The following PDE4D variants were observed in gnomAD, a reference collection of about 807,000 sequenced individuals.
PDE4D encodes the protein 3',5'-cyclic-AMP phosphodiesterase 4D.
PDE4D carries 24 observed loss-of-function variants against 87.4 expected under a neutral mutation model. The observed-to-expected ratio is 0.27, with a 90% CI of 0.20 to 0.39. PDE4D has a LOEUF of 0.39. PDE4D is among the 10% of genes least tolerant of loss of function. The pLI, the probability that PDE4D is intolerant of heterozygous loss-of-function variation, is 1.00. For missense variants in PDE4D, 714 were observed against 1,041.0 expected, an observed-to-expected ratio of 0.69 and a Z score of 4.32; for synonymous variants, 384 against 383.2, an observed-to-expected ratio of 1.00 and a Z score of -0.02.
At chr5:59,987,166 T>C (rs1401622936) in intron 3 of PDE4D, 1 of 152,142 alleles carries the variant, frequency 6.6e-6, no homozygotes, top group Non-Finnish European at 1.5e-5. Flanking sequence ...ACACCTGATA[T>C]CTGTGAATCT....
At position 59,658,949 on chromosome 5, in the gene PDE4D, G is replaced by T. The variant is rs184048546; in HGVS notation, c.455+234219C>A. 1.9e-4 allele frequency among the ~76,000 whole-genome samples: 29 copies of T among 152,222 alleles called. No homozygotes were observed. The East Asian group carries it at 5.6e-3, about 29-fold the overall frequency. ...TCCCAGGGGTTTGAGGGTACGGTGA[G>T]CTATGACTGCACCACTGCACTCCAG... is the stretch of plus-strand genomic sequence containing the variant. On this transcript the variant is annotated intron_variant, in intron 1 of 14. Transcript: ENST00000340635.
intron 1 of PDE4D, among the ~76,000 whole-genome samples, chr5:60,290,914 A>C (rs866337296): frequency 1.3e-5 from 2 of 152,308 alleles, no homozygotes; most frequent in Middle Eastern, 6.8e-3. Flanking sequence ...GTAACCCCCC[A>C]AAAAAGGGTC....
chr5:60,499,940 T>G (rs1749991315), intron 1 of PDE4D, among the ~76,000 whole-genome samples: 1 of 152,206 alleles, frequency 6.6e-6, no homozygotes, highest in Admixed American at 6.5e-5. Flanking sequence ...TTGGTTTTGT[T>G]TCTTGAAACA....
At chr5:59,693,752 T>C (rs1338341157) in intron 1 of PDE4D, among the ~76,000 whole-genome samples, 1 of 152,202 alleles carries the variant, frequency 6.6e-6, no homozygotes, top group Non-Finnish European at 1.5e-5. Flanking sequence ...TATTTTTTAA[T>C]CTACTTCCTT....
At chr5:60,269,482 G>A (rs1373695447) in intron 1 of PDE4D, among the ~76,000 whole-genome samples, 1 of 152,136 alleles carries the variant, frequency 6.6e-6, no homozygotes, top group African/African-American at 2.4e-5. Context: ...CCTGTGGTTG[G>A]ACACCTGTGT....
intron 1 of PDE4D, among the ~76,000 whole-genome samples, chr5:60,399,568 A>T (rs764654155): frequency 2.6e-5 from 4 of 152,248 alleles, no homozygotes; most frequent in Non-Finnish European, 4.4e-5. Context: ...GGTCATAGAC[A>T]ATGATATACA....
intron 1 of PDE4D, chr5:59,768,570 G>A (rs1243642032): frequency 1.3e-6 from 2 of 1,583,324 alleles, no homozygotes; most frequent in Non-Finnish European, 1.7e-6. Flanking sequence ...CCTCGCTCAC[G>A]GTCCCGGAAA....
intron 1 of PDE4D, among the ~76,000 whole-genome samples, chr5:60,493,180 T>C (rs910619804): frequency 6.6e-6 from 1 of 152,122 alleles, no homozygotes; most frequent in African/African-American, 2.4e-5. Flanking sequence ...GGGGTAACAG[T>C]AGTAGACATG....
At chr5:60,501,062 C>T (rs1170375998) in intron 1 of PDE4D, among the ~76,000 whole-genome samples, 2 of 151,694 alleles carry the variant, frequency 1.3e-5, no homozygotes, top group African/African-American at 4.8e-5. Context: ...AGGTTAGTTA[C>T]ATATGTATAC....
At chr5:59,575,229 C>A (rs531270988) in intron 1 of PDE4D, among the ~76,000 whole-genome samples, 9 of 152,178 alleles carry the variant, frequency 5.9e-5, no homozygotes, top group African/African-American at 1.9e-4. Context: ...CGAAGAGCCA[C>A]ACGTAGAGGC....
chr5:59,193,019 G>A (rs1358595942), intron 3 of PDE4D, among the ~76,000 whole-genome samples: 1 of 152,134 alleles, frequency 6.6e-6, no homozygotes, highest in African/African-American at 2.4e-5. Flanking sequence ...ATGTCATGTG[G>A]TTAAAGTATT....
chr5:60,000,871 T>C (rs890909941), intron 2 of PDE4D, among the ~76,000 whole-genome samples: 1 of 152,180 alleles, frequency 6.6e-6, no homozygotes, highest in Non-Finnish European at 1.5e-5. Flanking sequence ...CTGAGAGCAG[T>C]CCTGTCTCCA....
intron 1 of PDE4D, among the ~76,000 whole-genome samples, chr5:59,256,440 A>T (rs147556124): frequency 2.8e-3 from 429 of 152,168 alleles, no homozygotes; most frequent in Non-Finnish European, 5.1e-3. Flanking sequence ...TTCAGCCTCA[A>T]AGTGGGAGTC....
At chr5:60,254,462 A>G (rs1748827408) in intron 1 of PDE4D, among the ~76,000 whole-genome samples, 1 of 152,064 alleles carries the variant, frequency 6.6e-6, no homozygotes, top group Non-Finnish European at 1.5e-5. Flanking sequence ...TGGTTCCAAG[A>G]GCATATCTTT....
chr5:58,991,958 C>T lies in PDE4D; in HGVS notation c.1062G>A (p.Lys354=). 6.3e-7 allele frequency: 1 copy of T among 1,599,090 alleles called. No individual in the cohort carries two copies. The part of the protein sequence containing the change: ...VEIPSPTQKE[K]EKKKRPMSQI... ...GAGACATTGGTCTTTTCTTTTTCTCCTTTTCCTTCTGAGTTGGAGAAGGAA... is the reference window on the plus strand; with the variant it reads ...GAGACATTGGTCTTTTCTTTTTCTCTTTTTCCTTCTGAGTTGGAGAAGGAA... The change falls in exon 8 of 15, where the codon AAG becomes AAA. Residue 354 remains lysine (K), a synonymous_variant. Coordinates refer to ENST00000340635, the MANE Select transcript of PDE4D (RefSeq NM_001104631.2).
chr5:59,968,276 G>A (rs1026012652), intron 3 of PDE4D, among the ~76,000 whole-genome samples: 7 of 151,852 alleles, frequency 4.6e-5, no homozygotes, highest in Non-Finnish European at 8.8e-5. Flanking sequence ...GAGCCACTGC[G>A]CCCGGCCCAC....
At chr5:59,445,940 A>G (rs1798278560) in intron 1 of PDE4D, among the ~76,000 whole-genome samples, 1 of 152,204 alleles carries the variant, frequency 6.6e-6, no homozygotes, top group South Asian at 2.1e-4. Flanking sequence ...TACATACCTG[A>G]GTGTTGAGTA....
chr5:59,761,683 G>T (rs913479664), intron 1 of PDE4D, among the ~76,000 whole-genome samples: 1 of 151,908 alleles, frequency 6.6e-6, no homozygotes, highest in African/African-American at 2.4e-5. Context: ...CTCTTCTGGG[G>T]CAATAACATG....
intron 1 of PDE4D, among the ~76,000 whole-genome samples, chr5:59,233,615 T>C (rs985204679): frequency 6.6e-6 from 1 of 152,074 alleles, no homozygotes; most frequent in African/African-American, 2.4e-5. Context: ...CAAATGTTCC[T>C]CTCTAGAAGA....
Sources: allele counts gnomAD v4.1 joint callset (sites outside exome capture counted in the v4.1 genomes callset), GRCh38; gene constraint gnomAD v4.1.1; transcripts MANE v1.5; gene names NCBI Gene and HGNC (gene_info 2026-07-23, HGNC 2026-07-21).